Variants in LHFPL3 observed in about 807,000 individuals in gnomAD.
The protein encoded by LHFPL3 is LHFPL tetraspan subfamily member 3 protein.
Under a neutral mutation model 19.3 loss-of-function variants are expected in LHFPL3, and 5 were observed. That is an observed-to-expected ratio of 0.26 (90% CI 0.14 to 0.54). The LOEUF is 0.54. Among genes scored for constraint, LHFPL3 ranks in the 20% least tolerant of loss-of-function variants. LHFPL3 has a pLI of 0.94. For missense variants in LHFPL3, 249 were observed against 307.4 expected, an observed-to-expected ratio of 0.81 and a Z score of 1.42; for synonymous variants, 133 against 126.2, an observed-to-expected ratio of 1.05 and a Z score of -0.36.
At chr7:104,838,911 C>T (rs1166905396) in intron 2 of LHFPL3, among the ~76,000 whole-genome samples, 2 of 152,162 alleles carry the variant, frequency 1.3e-5, no homozygotes, top group Admixed American at 1.3e-4. Context: ...TTAAAAGTCA[C>T]TTTTAATAAT....
intron 2 of LHFPL3, chr7:104,785,828 T>G (rs569607518): frequency 9.8e-5 from 15 of 152,354 alleles, no homozygotes; most frequent in African/African-American, 3.6e-4. Flanking sequence ...GCTCAAACCT[T>G]GACCACACTG....
intron 1 of LHFPL3, among the ~76,000 whole-genome samples, chr7:104,591,829 TC>T (rs1790730654): frequency 6.6e-6 from 1 of 152,202 alleles, no homozygotes; most frequent in Admixed American, 6.5e-5. Context: ...TACTCTTTTT[TC>T]TCTAAACTTC....
chr7:104,499,575 A>G (rs1364106304), intron 1 of LHFPL3, among the ~76,000 whole-genome samples: 1 of 152,218 alleles, frequency 6.6e-6, no homozygotes, highest in Non-Finnish European at 1.5e-5. Context: ...CTTCAAGAGA[A>G]TGAGGGACTT....
intron 1 of LHFPL3, among the ~76,000 whole-genome samples, chr7:104,362,006 A>G (rs1036036775): frequency 5.9e-5 from 9 of 152,326 alleles, no homozygotes; most frequent in African/African-American, 1.7e-4. Context: ...TCCAGGAACT[A>G]GGGGATGTGA....
chr7:104,365,369 C>T (rs906376775), intron 1 of LHFPL3, among the ~76,000 whole-genome samples: 1 of 151,502 alleles, frequency 6.6e-6, no homozygotes, highest in Non-Finnish European at 1.5e-5. Context: ...TAGAAGACTC[C>T]ATCCTGAATA....
At chr7:104,410,702 G>C (rs554049714) in intron 1 of LHFPL3, among the ~76,000 whole-genome samples, 1 of 152,320 alleles carries the variant, frequency 6.6e-6, no homozygotes, top group South Asian at 2.1e-4. Context: ...CTTTGCAGCA[G>C]TGAGGAAAAT....
chr7:104,420,881 T>C lies in LHFPL3; in HGVS notation c.445+91657T>C, dbSNP rs1307087421. Among the ~76,000 whole-genome samples the C allele has an allele frequency of 2.0e-5, 3 of 152,090 alleles. No homozygotes were observed. In the East Asian group the frequency reaches 5.8e-4, roughly 29 times the overall value. On this transcript the variant is annotated intron_variant, in intron 1 of 2. Coordinates refer to ENST00000424859, the MANE Select transcript of LHFPL3 (RefSeq NM_199000.3). ...CCGGCCCCCCAAAGGGTGAATTCAGTATAGTAGCAGATTTAATCCAAACTG... is the reference window on the plus strand; with the variant it reads ...CCGGCCCCCCAAAGGGTGAATTCAGCATAGTAGCAGATTTAATCCAAACTG...
At chr7:104,635,059 A>G (rs944493799) in intron 1 of LHFPL3, among the ~76,000 whole-genome samples, 2 of 152,184 alleles carry the variant, frequency 1.3e-5, no homozygotes, top group East Asian at 3.8e-4. Flanking sequence ...TTTTTAAAGA[A>G]CAATTAAAGA....
intron 1 of LHFPL3, among the ~76,000 whole-genome samples, chr7:104,335,091 G>A (rs1789768064): frequency 6.6e-6 from 1 of 152,178 alleles, no homozygotes; most frequent in Admixed American, 6.5e-5. Flanking sequence ...ACTGAGCTCT[G>A]ATGGGGTGCT....
chr7:104,656,282 G>A (rs1313765607), intron 1 of LHFPL3, among the ~76,000 whole-genome samples: 1 of 151,788 alleles, frequency 6.6e-6, no homozygotes, highest in Non-Finnish European at 1.5e-5. Flanking sequence ...CTATGCAAAA[G>A]TGAGTTTAAG....
At chr7:104,526,238 A>G (rs1281125369) in intron 1 of LHFPL3, among the ~76,000 whole-genome samples, 2 of 152,184 alleles carry the variant, frequency 1.3e-5, no homozygotes, top group Admixed American at 6.5e-5. Flanking sequence ...GGAAAACCAC[A>G]TGGATTGGGG....
intron 1 of LHFPL3, among the ~76,000 whole-genome samples, chr7:104,384,779 C>A (rs1790901135): frequency 1.7e-5 from 2 of 119,556 alleles, no homozygotes. Flanking sequence ...AAGAGTGAAA[C>A]TCTATTTCAA....
At chr7:104,608,465 G>C (rs1163429446) in intron 1 of LHFPL3, among the ~76,000 whole-genome samples, 1 of 133,072 alleles carries the variant, frequency 7.5e-6, no homozygotes, top group Non-Finnish European at 1.5e-5. Flanking sequence ...ATGGACACAG[G>C]AAGGGGAACA....
chr7:104,397,330 A>C (rs995225743), intron 1 of LHFPL3, among the ~76,000 whole-genome samples: 1 of 152,150 alleles, frequency 6.6e-6, no homozygotes, highest in African/African-American at 2.4e-5. Flanking sequence ...TGGTTTCAGC[A>C]CTTTACCATA....
At chr7:104,400,219 G>C (rs1791288321) in intron 1 of LHFPL3, among the ~76,000 whole-genome samples, 1 of 147,550 alleles carries the variant, frequency 6.8e-6, no homozygotes, top group Admixed American at 6.9e-5. Flanking sequence ...ATTCACTCAG[G>C]GTTGAGTTAC....
intron 1 of LHFPL3, among the ~76,000 whole-genome samples, chr7:104,691,013 C>T (rs993712118): frequency 6.6e-6 from 1 of 152,182 alleles, no homozygotes; most frequent in African/African-American, 2.4e-5. Flanking sequence ...GATTTTGGAG[C>T]AAGGTTCTAC....
At chr7:104,358,254 G>A (rs1213422308) in intron 1 of LHFPL3, among the ~76,000 whole-genome samples, 2 of 152,178 alleles carry the variant, frequency 1.3e-5, no homozygotes, top group African/African-American at 4.8e-5. Context: ...TATTGTGAAT[G>A]CACTTAATAC....
At chr7:104,803,262 A>G (rs1397542898) in intron 2 of LHFPL3, among the ~76,000 whole-genome samples, 1 of 152,198 alleles carries the variant, frequency 6.6e-6, no homozygotes, top group Non-Finnish European at 1.5e-5. Flanking sequence ...TTTACACTAT[A>G]TACATGCCTA....
intron 1 of LHFPL3, among the ~76,000 whole-genome samples, chr7:104,587,101 T>A (rs868691565): frequency 4.6e-5 from 7 of 152,312 alleles, no homozygotes; most frequent in South Asian, 2.1e-4. Flanking sequence ...CCTGTTTTTT[T>A]ATATTTTTAT....
Sources: gnomAD v4.1 joint callset for allele counts (sites outside exome capture counted in the v4.1 genomes callset) on GRCh38, gnomAD v4.1.1 for gene constraint, MANE v1.5 for transcripts, NCBI Gene and HGNC (gene_info 2026-07-23, HGNC 2026-07-21) for gene names.